Variants in COL14A1 observed in about 807,000 individuals in gnomAD.
COL14A1 encodes collagen alpha-1(XIV) chain.
In COL14A1, 136 loss-of-function variants were observed where a neutral mutation model predicts 230.3. The observed-to-expected ratio is 0.59, with a 90% CI of 0.51 to 0.68. The LOEUF is 0.68. Ranked by LOEUF, COL14A1 falls within the 30% of genes least tolerant of loss-of-function variation. The pLI is 0.00. For synonymous variants in COL14A1, 792 were observed against 784.1 expected (o/e 1.01, Z -0.17); for missense variants, 1,976 against 2,215.8 (o/e 0.89, Z 2.17).
intron 14 of COL14A1, among the ~76,000 whole-genome samples, chr8:120,216,913 C>T (rs1386130699): frequency 6.6e-6 from 1 of 152,186 alleles, no homozygotes; most frequent in Non-Finnish European, 1.5e-5. Context: ...GCTGTACCAC[C>T]ATTAATGACC....
At chr8:120,147,120 T>C (rs1227032838) in intron 1 of COL14A1, among the ~76,000 whole-genome samples, 3 of 152,010 alleles carry the variant, frequency 2.0e-5, no homozygotes, top group Admixed American at 1.3e-4. Context: ...AGATACGTAA[T>C]AATTATACCC....
At chr8:120,212,057 T>C (rs972701358) in intron 12 of COL14A1, among the ~76,000 whole-genome samples, 1 of 152,240 alleles carries the variant, frequency 6.6e-6, no homozygotes, top group African/African-American at 2.4e-5. Context: ...AGCCAAATAC[T>C]GAAAGATGCC....
At chr8:120,355,949 T>G (rs564072477) in intron 45 of COL14A1, among the ~76,000 whole-genome samples, 51 of 152,300 alleles carry the variant, frequency 3.3e-4, no homozygotes, top group Non-Finnish European at 6.6e-4. Flanking sequence ...GATAATACTA[T>G]TATTTATAGC....
intron 47 of COL14A1, chr8:120,370,442 C>T (rs1823548619): frequency 3.2e-6 from 5 of 1,578,810 alleles, no homozygotes; most frequent in East Asian, 4.6e-5. Flanking sequence ...TGTCAACCAC[C>T]ACCACCACCA....
Position 120,125,108 on chromosome 8 carries a change from A to C in COL14A1, c.-270A>C, listed in dbSNP as rs1016818070. On this transcript the variant is annotated 5_prime_UTR_variant, in exon 1 of 48. Transcript: ENST00000297848. Reference sequence around the variant, plus strand: ...TGCCGGCGGGCCTTCCTTTCCTCTTATCTGATCCTGGGCTCCCAGCTGGAG... The same window carrying C: ...TGCCGGCGGGCCTTCCTTTCCTCTTCTCTGATCCTGGGCTCCCAGCTGGAG... 1.3e-5 allele frequency: 2 copies of C among 152,366 alleles called. No homozygotes were observed. Among genetic ancestry groups the C allele is most frequent in the African/African-American group, 4.8e-5 (2 of 41,452 alleles). The allele number at this position is 152,366 out of a possible 1,614,324, so 9.4% of individuals were successfully genotyped here.
In COL14A1 at chr8:120,285,920, A is replaced by G; in HGVS notation, c.4027A>G (p.Thr1343Ala). ...CCAGAGTGGGGATTTTCAAACTGTT[A>G]CTTTCGAAGGACCTGAAATTAGGAA... is the stretch of plus-strand genomic sequence containing the variant. ...YDQSGDFQTV[T>A]FEGPEIRKIF... Residue 1343 changes from threonine to alanine, a missense_variant, in exon 33 of 48, where the codon ACT becomes GCT. Physicochemically the swap from Thr to Ala is moderately conservative, Grantham distance 58 (BLOSUM62 0). Coordinates refer to ENST00000297848, the MANE Select transcript of COL14A1 (RefSeq NM_021110.4). The G allele has an allele frequency of 6.2e-7, 1 of 1,611,898 alleles. No individual in the cohort carries two copies. The highest frequency in any genetic ancestry group is 8.5e-7 in the Non-Finnish European group (1 of 1,178,202).
chr8:120,185,738 A>G (rs1816632024), intron 5 of COL14A1, among the ~76,000 whole-genome samples: 1 of 152,054 alleles, frequency 6.6e-6, no homozygotes, highest in African/African-American at 2.4e-5. Context: ...TAAGTCAGTC[A>G]CTTGTCCTCT....
At chr8:120,154,618 G>A (rs1815400803) in intron 2 of COL14A1, among the ~76,000 whole-genome samples, 1 of 152,024 alleles carries the variant, frequency 6.6e-6, no homozygotes, top group South Asian at 2.1e-4. Context: ...ACTTCACCAT[G>A]CAAAGGATGA....
intron 44 of COL14A1, among the ~76,000 whole-genome samples, 188 bp from the exon 45 acceptor site, chr8:120,345,187 C>T (rs891205360): frequency 1.3e-5 from 2 of 152,204 alleles, no homozygotes; most frequent in Middle Eastern, 3.4e-3. Flanking sequence ...CAGTCCAGCC[C>T]TTAATATCAT....
intron 47 of COL14A1, 25 bp downstream of exon 47, chr8:120,369,510 T>C (rs1403262954): frequency 6.6e-7 from 1 of 1,519,486 alleles, no homozygotes; most frequent in Non-Finnish European, 8.9e-7. Context: ...AAGCCCCGCT[T>C]GTGGGCTTTG....
intron 2 of COL14A1, 114 bp downstream of exon 2, chr8:120,148,044 A>G (rs1004823357): frequency 1.1e-5 from 8 of 702,984 alleles, no homozygotes; most frequent in South Asian, 3.8e-5. Flanking sequence ...AGTTTTACCA[A>G]CTGTTTGCAC....
chr8:120,216,562 A>T (rs1817757625), intron 14 of COL14A1, 72 bp downstream of exon 14: 1 of 1,435,876 alleles, frequency 7.0e-7, no homozygotes, highest in Non-Finnish European at 9.5e-7. Flanking sequence ...ATAACCAATC[A>T]TCTCAAAGCC....
chr8:120,281,565 T>TAAAA (rs61230108), intron 31 of COL14A1, among the ~76,000 whole-genome samples: 7 of 138,126 alleles, frequency 5.1e-5, no homozygotes, highest in Non-Finnish European at 4.7e-5. Flanking sequence ...ACCCCGTCTT[T>TAAAA]AAAAAAAAAA....
intron 13 of COL14A1, among the ~76,000 whole-genome samples, chr8:120,214,386 A>G (rs1395599064): frequency 6.6e-6 from 1 of 152,188 alleles, no homozygotes; most frequent in Non-Finnish European, 1.5e-5. Flanking sequence ...CATGGACAAC[A>G]CTCAGTAAAT....
intron 2 of COL14A1, among the ~76,000 whole-genome samples, chr8:120,155,251 A>G (rs1425986015): frequency 6.6e-6 from 1 of 152,192 alleles, no homozygotes; most frequent in Non-Finnish European, 1.5e-5. Context: ...AGAGTAGAGT[A>G]TTGATGGATT....
intron 41 of COL14A1, 72 bp downstream of exon 41, chr8:120,332,266 T>C: frequency 7.1e-7 from 1 of 1,416,160 alleles, no homozygotes. Context: ...AGGTTTTCTT[T>C]TGCCAGATCT....
At chr8:120,174,655 G>T (rs1190165834) in intron 5 of COL14A1, among the ~76,000 whole-genome samples, 1 of 152,140 alleles carries the variant, frequency 6.6e-6, no homozygotes, top group Non-Finnish European at 1.5e-5. Flanking sequence ...AGGGTTTATT[G>T]TAGTGATGAG....
intron 24 of COL14A1, among the ~76,000 whole-genome samples, chr8:120,264,666 C>T (rs1819452250): frequency 6.6e-6 from 1 of 152,090 alleles, no homozygotes; most frequent in African/African-American, 2.4e-5. Context: ...TCCAGCCATA[C>T]TTTTTTAAGT....
At chr8:120,150,798 T>G (rs1456478817) in intron 2 of COL14A1, among the ~76,000 whole-genome samples, 1 of 152,068 alleles carries the variant, frequency 6.6e-6, no homozygotes, top group Non-Finnish European at 1.5e-5. Context: ...GTCTGGAGTT[T>G]AGGGAAAAAA....
Sources: allele counts gnomAD v4.1 joint callset (sites outside exome capture counted in the v4.1 genomes callset), GRCh38; gene constraint gnomAD v4.1.1; transcripts MANE v1.5; gene names NCBI Gene and HGNC (gene_info 2026-07-23, HGNC 2026-07-21).